Variants in STOX2 observed in about 807,000 individuals in gnomAD.
STOX2 encodes storkhead box 2.
In STOX2, 28 loss-of-function variants were observed where a neutral mutation model predicts 60.9. The observed-to-expected ratio is 0.46, with a 90% CI of 0.34 to 0.63. STOX2 has a LOEUF of 0.63. Ranked by LOEUF, STOX2 falls within the 30% of genes least tolerant of loss-of-function variation. The pLI, the probability that STOX2 is intolerant of heterozygous loss-of-function variation, is 0.01. For missense variants in STOX2, 1,024 were observed against 1,187.7 expected, an observed-to-expected ratio of 0.86 and a Z score of 2.03; for synonymous variants, 472 against 463.9, an observed-to-expected ratio of 1.02 and a Z score of -0.22.
chr4:183,943,212 A>T (rs531967522), intron 1 of STOX2, among the ~76,000 whole-genome samples: 1 of 152,368 alleles, frequency 6.6e-6, no homozygotes, highest in African/African-American at 2.4e-5. Flanking sequence ...CAACTTGGCA[A>T]TCCAGGAATA....
At chr4:183,850,960 G>T (rs1387425492) in intron 1 of STOX2, among the ~76,000 whole-genome samples, 2 of 144,792 alleles carry the variant, frequency 1.4e-5, no homozygotes, top group Admixed American at 1.4e-4. Flanking sequence ...GGGAAACGAT[G>T]AGGGAAAGGA....
intron 1 of STOX2, among the ~76,000 whole-genome samples, chr4:183,819,863 C>T (rs2111109560): frequency 6.6e-6 from 1 of 152,176 alleles, no homozygotes; most frequent in African/African-American, 2.4e-5. Flanking sequence ...ACTGCCGTTG[C>T]CTTTGGAGGA....
intron 3 of STOX2, chr4:184,014,721 G>A (rs2111258253): frequency 6.6e-6 from 1 of 152,180 alleles, no homozygotes; most frequent in East Asian, 1.9e-4. Context: ...CAACAATAAT[G>A]AAATACATTC....
intron 1 of STOX2, among the ~76,000 whole-genome samples, chr4:183,847,534 C>G (rs1740015918): frequency 6.6e-6 from 1 of 152,132 alleles, no homozygotes; most frequent in African/African-American, 2.4e-5. Flanking sequence ...AGCCACCAGA[C>G]AGGTTAAAAG....
chr4:183,957,546 T>C (rs1478341465), intron 1 of STOX2, among the ~76,000 whole-genome samples: 1 of 152,208 alleles, frequency 6.6e-6, no homozygotes, highest in African/African-American at 2.4e-5. Context: ...TTTTGTGCCA[T>C]AATGGACTCA....
intron 1 of STOX2, among the ~76,000 whole-genome samples, chr4:183,982,854 C>A (rs1732705197): frequency 6.8e-6 from 1 of 147,680 alleles, no homozygotes; most frequent in South Asian, 2.2e-4. Context: ...TCACAGTAGG[C>A]TTTTACCTTG....
At chr4:183,873,607 G>A (rs1740746490) in intron 1 of STOX2, among the ~76,000 whole-genome samples, 2 of 152,176 alleles carry the variant, frequency 1.3e-5, no homozygotes, top group Non-Finnish European at 2.9e-5. Context: ...GCTGGGGGTT[G>A]TTTCCATAGA....
At chr4:183,827,517 CAA>C (rs1236788861) in intron 1 of STOX2, among the ~76,000 whole-genome samples, 1 of 147,982 alleles carries the variant, frequency 6.8e-6, no homozygotes, top group Admixed American at 6.6e-5. Context: ...AATAAAAAAA[CAA>C]AGAATTGGAG....
At chr4:183,917,130 A>G (rs1377264566) in intron 1 of STOX2, among the ~76,000 whole-genome samples, 2 of 152,230 alleles carry the variant, frequency 1.3e-5, no homozygotes, top group African/African-American at 4.8e-5. Context: ...GTTTAAATGT[A>G]TAGATACGGG....
At chr4:183,954,563 C>G (rs1743192558) in intron 1 of STOX2, among the ~76,000 whole-genome samples, 1 of 152,066 alleles carries the variant, frequency 6.6e-6, no homozygotes, top group South Asian at 2.1e-4. Context: ...GCTGGGATTA[C>G]AGGCTTGAGC....
intron 1 of STOX2, among the ~76,000 whole-genome samples, chr4:183,875,842 C>T (rs1452595507): frequency 2.6e-5 from 4 of 152,304 alleles, no homozygotes; most frequent in East Asian, 3.9e-4. Context: ...CTCAGCTTCC[C>T]GAGCAGCTGT....
At chr4:183,841,079 G>A (rs1739847390) in intron 1 of STOX2, among the ~76,000 whole-genome samples, 1 of 152,214 alleles carries the variant, frequency 6.6e-6, no homozygotes, top group Non-Finnish European at 1.5e-5. Flanking sequence ...TGTTGCCCAG[G>A]CTGGTCTCAA....
At chr4:183,955,055 G>A (rs113730666) in intron 1 of STOX2, among the ~76,000 whole-genome samples, 2,343 of 152,318 alleles carry the variant, frequency 0.015, 47 homozygotes, top group African/African-American at 0.053. Flanking sequence ...GACTCCTCTA[G>A]TTGTTTCCTT....
chr4:183,945,041 C>A (rs13126678), intron 1 of STOX2, among the ~76,000 whole-genome samples: 151,503 of 152,346 alleles, frequency 0.99, 75,338 homozygotes, highest in Middle Eastern at 1. Context: ...GTTTAAATGT[C>A]CTGGGAGAAT....
In STOX2 at chr4:183,841,512, C is replaced by T. The variant is rs116167494; in HGVS notation, c.364+43457C>T. 8.1e-4 allele frequency among the ~76,000 whole-genome samples: 123 copies of T among 152,264 alleles called. 1 individual carries two copies. Among genetic ancestry groups the T allele is most frequent in the African/African-American group, 2.8e-3 (118 of 41,558 alleles). ...ACAGGCTTGAGCCACTGTGCCACGC[C>T]GTAGTATTATGAAATCATCAGAACC... On this transcript the variant is annotated intron_variant, in intron 1 of 2. Transcript: ENST00000513034.
At chr4:183,939,002 C>T (rs1742674677) in intron 1 of STOX2, among the ~76,000 whole-genome samples, 5 of 152,118 alleles carry the variant, frequency 3.3e-5, no homozygotes, top group Admixed American at 2.0e-4. Context: ...TAAAATCTAT[C>T]CAAAGAGTCA....
intron 1 of STOX2, among the ~76,000 whole-genome samples, chr4:183,873,778 A>C (rs1740750127): frequency 6.6e-6 from 1 of 152,328 alleles, no homozygotes; most frequent in African/African-American, 2.4e-5. Context: ...TTCTCCTGAA[A>C]ATTGCCCAGG....
At chr4:183,946,644 GTGA>G in intron 1 of STOX2, among the ~76,000 whole-genome samples, 1 of 76,884 alleles carries the variant, frequency 1.3e-5, no homozygotes, top group East Asian at 3.6e-4. Context: ...TTTTTTTTTT[GTGA>G]TGGAGTCTCG....
chr4:183,861,673 G>T (rs75164884), intron 1 of STOX2, among the ~76,000 whole-genome samples: 1 of 152,172 alleles, frequency 6.6e-6, no homozygotes, highest in Non-Finnish European at 1.5e-5. Context: ...GGTGATTACC[G>T]GTAGGGATGT....
Sources: gnomAD v4.1 joint callset for allele counts (sites outside exome capture counted in the v4.1 genomes callset) on GRCh38, gnomAD v4.1.1 for gene constraint, MANE v1.5 for transcripts, NCBI Gene and HGNC (gene_info 2026-07-23, HGNC 2026-07-21) for gene names.